Variants in TMEM38B observed in about 807,000 individuals in gnomAD.
TMEM38B encodes transmembrane protein 38B.
A neutral mutation model predicts 28.7 loss-of-function variants in TMEM38B; 24 were observed. The ratio of observed to expected loss-of-function variants is 0.84; its 90% CI spans 0.61 to 1.18. TMEM38B has a LOEUF of 1.18. TMEM38B is among the 50% of genes most tolerant of loss of function. TMEM38B has a pLI of 0.00. For missense variants in TMEM38B, 380 were observed against 350.9 expected (o/e 1.08, Z -0.66); for synonymous variants, 131 against 127.7 (o/e 1.03, Z -0.17).
intron 2 of TMEM38B, among the ~76,000 whole-genome samples, chr9:105,720,774 C>CA (rs1836287776): frequency 6.6e-6 from 1 of 151,934 alleles, no homozygotes; most frequent in Non-Finnish European, 1.5e-5. Context: ...AATTGTCAGC[C>CA]AGAGTATTTG....
At chr9:105,772,915 G>T (rs1181072123) in intron 5 of TMEM38B, among the ~76,000 whole-genome samples, 1 of 151,912 alleles carries the variant, frequency 6.6e-6, no homozygotes, top group Non-Finnish European at 1.5e-5. Context: ...CTTTTGTGAT[G>T]AATATATACT....
chr9:105,741,579 T>C (rs1010719599), intron 4 of TMEM38B, among the ~76,000 whole-genome samples: 1 of 152,204 alleles, frequency 6.6e-6, no homozygotes, highest in Non-Finnish European at 1.5e-5. Context: ...CTTGTTATAT[T>C]GTGGTGGAAA....
chr9:105,750,672 CTT>C (rs1250930661), intron 5 of TMEM38B, among the ~76,000 whole-genome samples: 1 of 152,072 alleles, frequency 6.6e-6, no homozygotes, highest in Non-Finnish European at 1.5e-5. Flanking sequence ...CCTATTTTCT[CTT>C]TTATTATGTA....
intron 2 of TMEM38B, among the ~76,000 whole-genome samples, chr9:105,707,361 C>G (rs191158686): frequency 6.6e-6 from 1 of 151,992 alleles, no homozygotes; most frequent in Non-Finnish European, 1.5e-5. Context: ...AATCCAAATT[C>G]GTTATCCTTA....
chr9:105,712,383 A>G (rs955685761), intron 2 of TMEM38B, among the ~76,000 whole-genome samples: 1 of 152,250 alleles, frequency 6.6e-6, no homozygotes, highest in Non-Finnish European at 1.5e-5. Context: ...CTTTTTAAAA[A>G]AATGGTTAAC....
At chr9:105,763,318 C>G (rs1333159039) in intron 5 of TMEM38B, among the ~76,000 whole-genome samples, 1 of 152,152 alleles carries the variant, frequency 6.6e-6, no homozygotes, top group Non-Finnish European at 1.5e-5. Context: ...GTGTTTTAGA[C>G]ATGAAGTCCT....
chr9:105,713,443 G>A (rs983731671), intron 2 of TMEM38B, among the ~76,000 whole-genome samples: 2 of 152,226 alleles, frequency 1.3e-5, no homozygotes, highest in African/African-American at 2.4e-5. Context: ...GAGCCTAGGC[G>A]CTGTCACAGC....
chr9:105,766,571 T>A (rs10118661), intron 5 of TMEM38B, among the ~76,000 whole-genome samples: 31,860 of 152,036 alleles, frequency 0.21, 5,208 homozygotes, highest in East Asian at 0.46. Context: ...TTGTTTAGTG[T>A]TGTCTTTAGA....
intron 1 of TMEM38B, among the ~76,000 whole-genome samples, chr9:105,702,342 T>C (rs1835489671): frequency 6.6e-6 from 1 of 152,182 alleles, no homozygotes; most frequent in African/African-American, 2.4e-5. Flanking sequence ...AACATTCCCA[T>C]GCTTCTTTCT....
chr9:105,709,302 T>C (rs1361707525), intron 2 of TMEM38B, among the ~76,000 whole-genome samples: 1 of 152,214 alleles, frequency 6.6e-6, no homozygotes, highest in Non-Finnish European at 1.5e-5. Flanking sequence ...TAAATCAGTT[T>C]ATTACAGATT....
At chr9:105,754,929 CACTG>C (rs1460985155) in intron 5 of TMEM38B, among the ~76,000 whole-genome samples, 13 of 152,086 alleles carry the variant, frequency 8.5e-5, no homozygotes, top group Non-Finnish European at 1.0e-4. Context: ...GAAATGATAA[CACTG>C]ACCCCACAGA....
In TMEM38B at chr9:105,722,719, A is replaced by T. The variant is rs1836367679; in HGVS notation, c.542+98A>T. ...TTTTAGGGACTTTAAATGTGGGTGG[A>T]ATATAGCTGAAAATATAAATAGTAA... On this transcript the variant is annotated intron_variant, in intron 4 of 5. Coordinates refer to ENST00000374692, the MANE Select transcript of TMEM38B (RefSeq NM_018112.3). The T allele has an allele frequency of 9.2e-6, 8 of 872,480 alleles. No individual in the cohort carries two copies. The Admixed American group carries it at 1.3e-4, about 14-fold the overall frequency. 54.0% of individuals were successfully genotyped at this position (872,480 alleles called of 1,614,324 possible). A position where few individuals can be genotyped will look rare whatever the true frequency, so the allele number is the denominator to read the frequency against.
intron 4 of TMEM38B, among the ~76,000 whole-genome samples, chr9:105,742,627 A>G (rs999506288): frequency 1.3e-5 from 2 of 152,210 alleles, no homozygotes; most frequent in African/African-American, 4.8e-5. Context: ...CCTAAATTTA[A>G]GCCCTTCTCC....
intron 2 of TMEM38B, among the ~76,000 whole-genome samples, chr9:105,709,764 A>G (rs1476445884): frequency 6.6e-6 from 1 of 152,246 alleles, no homozygotes; most frequent in Non-Finnish European, 1.5e-5. Flanking sequence ...CGCAGATGCC[A>G]ACAAAGCCAA....
At position 105,773,853 on chromosome 9, in the gene TMEM38B, T is replaced by C; in HGVS notation, c.661-12T>C. The C allele has an allele frequency of 6.3e-7, 1 of 1,593,920 alleles. No individual in the cohort carries two copies. The highest frequency in any genetic ancestry group is 8.5e-7 in the Non-Finnish European group (1 of 1,169,820). On this transcript the variant is annotated splice_polypyrimidine_tract_variant and intron_variant, in intron 5 of 5. Coordinates refer to ENST00000374692, the MANE Select transcript of TMEM38B (RefSeq NM_018112.3). Reference sequence around the variant, plus strand: ...TTGTATTTAAATTCAAAATTAAACTTTTTTCCCCCAGATAACCATGATGAC... The same window carrying C: ...TTGTATTTAAATTCAAAATTAAACTCTTTTCCCCCAGATAACCATGATGAC...
At chr9:105,731,364 G>C (rs1427195322) in intron 4 of TMEM38B, among the ~76,000 whole-genome samples, 4 of 152,000 alleles carry the variant, frequency 2.6e-5, no homozygotes, top group African/African-American at 9.6e-5. Context: ...GTGCAGGTTT[G>C]TTACATATGT....
intron 1 of TMEM38B, among the ~76,000 whole-genome samples, chr9:105,697,789 T>C (rs1276472494): frequency 6.6e-6 from 1 of 152,200 alleles, no homozygotes; most frequent in Non-Finnish European, 1.5e-5. Flanking sequence ...AATTTTTTTC[T>C]CCTATGTCAC....
At chr9:105,746,972 G>A (rs1335813998) in intron 4 of TMEM38B, among the ~76,000 whole-genome samples, 1 of 152,132 alleles carries the variant, frequency 6.6e-6, no homozygotes, top group African/African-American at 2.4e-5. Context: ...GCTGGATTCG[G>A]TTTGCCAGTA....
Position 105,721,806 on chromosome 9 carries a change from A to T in TMEM38B, c.454+85A>T, listed in dbSNP as rs1836331384. The T allele has an allele frequency of 3.9e-6, 4 of 1,029,832 alleles. No homozygotes were observed. The South Asian group carries it at 8.3e-5, about 21-fold the overall frequency. 63.8% of individuals were successfully genotyped at this position (1,029,832 alleles called of 1,614,324 possible). A position where few individuals can be genotyped will look rare whatever the true frequency, so the allele number is the denominator to read the frequency against. On this transcript the variant is annotated intron_variant, in intron 3 of 5. Transcript: ENST00000374692. Reference sequence around the variant, plus strand: ...ACTGAACAATTCTCTAGTTACATTAATGGATCACATACTTTAATAACAGAG... The same window carrying T: ...ACTGAACAATTCTCTAGTTACATTATTGGATCACATACTTTAATAACAGAG...
Sources: gnomAD v4.1 joint callset for allele counts (sites outside exome capture counted in the v4.1 genomes callset) on GRCh38, gnomAD v4.1.1 for gene constraint, MANE v1.5 for transcripts, NCBI Gene and HGNC (gene_info 2026-07-23, HGNC 2026-07-21) for gene names.